The following CC2D2B variants were observed in gnomAD, a reference collection of about 807,000 sequenced individuals.
The protein encoded by CC2D2B is coiled-coil and C2 domain containing 2B.
CC2D2B carries 128 observed loss-of-function variants against 161.2 expected under a neutral mutation model. The observed-to-expected ratio is 0.79, with a 90% CI of 0.69 to 0.92. The LOEUF (loss-of-function observed/expected upper bound fraction) is 0.92. Among genes scored for constraint, CC2D2B ranks in the 40% least tolerant of loss-of-function variants. The pLI is 0.00. For missense variants in CC2D2B, 1,173 were observed against 1,375.1 expected, an observed-to-expected ratio of 0.85 and a Z score of 2.32; for synonymous variants, 391 against 449.8, an observed-to-expected ratio of 0.87 and a Z score of 1.65.
At chr10:95,947,510 G>A (rs113514451) in intron 9 of CC2D2B, among the ~76,000 whole-genome samples, 21,190 of 151,786 alleles carry the variant, frequency 0.14, 1,560 homozygotes, top group Middle Eastern at 0.2. Flanking sequence ...TTGGGAGGCC[G>A]AGGTGGGCAG....
At chr10:95,990,069 G>A (rs2077889518) in intron 20 of CC2D2B, among the ~76,000 whole-genome samples, 1 of 152,150 alleles carries the variant, frequency 6.6e-6, no homozygotes, top group Non-Finnish European at 1.5e-5. Context: ...TTCTCTAAGA[G>A]GGTAGCACAT....
intron 33 of CC2D2B, among the ~76,000 whole-genome samples, chr10:96,025,172 TATATATATATATA>T (rs1275135698): frequency 1.7e-4 from 3 of 17,622 alleles, no homozygotes; most frequent in African/African-American, 6.2e-4. Context: ...TATATATATA[TATATATATATATA>T]AAAAAAAATA....
At chr10:95,992,841 C>A in intron 22 of CC2D2B, 144 bp downstream of exon 22, 2 of 519,132 alleles carry the variant, frequency 3.9e-6, no homozygotes, top group Non-Finnish European at 5.9e-6. Context: ...TCTTCATTTG[C>A]ATAGTCATAC....
intron 2 of CC2D2B, among the ~76,000 whole-genome samples, chr10:95,914,337 G>T (rs1204079783): frequency 1.3e-5 from 2 of 152,150 alleles, no homozygotes; most frequent in Non-Finnish European, 2.9e-5. Context: ...GCGCGTGTGT[G>T]TGTGTATTTT....
intron 18 of CC2D2B, among the ~76,000 whole-genome samples, chr10:95,982,843 G>A (rs997603058): frequency 1.3e-5 from 2 of 151,982 alleles, no homozygotes; most frequent in African/African-American, 4.8e-5. Context: ...GCGATCTCGG[G>A]TCACCACAAC....
At chr10:95,934,254 C>T (rs2075726670) in intron 6 of CC2D2B, among the ~76,000 whole-genome samples, 1 of 152,082 alleles carries the variant, frequency 6.6e-6, no homozygotes, top group Non-Finnish European at 1.5e-5. Context: ...CGTCCCAGGT[C>T]GACTTCAGAC....
chr10:96,027,274 A>C lies in CC2D2B; in HGVS notation c.4010A>C (p.Asn1337Thr). 3 of 1,551,186 alleles carry C rather than the reference A, an allele frequency of 1.9e-6. No individual in the cohort carries two copies. Among genetic ancestry groups the C allele is most frequent in the Non-Finnish European group, 2.6e-6 (3 of 1,146,728 alleles). ...CGACCTAAACACCCAACACATTGGA[A>C]TCGACAGTGTACTTTTATTTTGCGA... ...EWRPKHPTHW[N>T]RQCTFILRQI... The change falls in exon 34 of 35, where the codon AAT (asparagine) becomes ACT (threonine). Residue 1337 changes from asparagine (N) to threonine (T), a missense_variant. Around this residue, in one of 3 missense-constraint regions of CC2D2B, gnomAD observed 598 missense variants for 693.2 expected, o/e 0.86. Coordinates refer to ENST00000646931, the MANE Select transcript of CC2D2B (RefSeq NM_001349008.3).
At chr10:95,910,075 G>A (rs1044674316) in intron 1 of CC2D2B, among the ~76,000 whole-genome samples, 1 of 152,162 alleles carries the variant, frequency 6.6e-6, no homozygotes, top group Non-Finnish European at 1.5e-5. Flanking sequence ...TGGATCACTT[G>A]AGCCCAGGAG....
At chr10:96,022,997 A>G (rs1287234987) in intron 32 of CC2D2B, among the ~76,000 whole-genome samples, 1 of 152,208 alleles carries the variant, frequency 6.6e-6, no homozygotes, top group African/African-American at 2.4e-5. Context: ...GCGAATGGGA[A>G]GACCTTTAGT....
intron 6 of CC2D2B, among the ~76,000 whole-genome samples, chr10:95,934,803 G>A (rs2075757522): frequency 6.6e-6 from 1 of 152,192 alleles, no homozygotes; most frequent in Non-Finnish European, 1.5e-5. Flanking sequence ...TAGTCTTGCT[G>A]GGAGCTGCAG....
chr10:96,030,739 A>G (rs2080032165), intron 34 of CC2D2B, among the ~76,000 whole-genome samples: 1 of 152,182 alleles, frequency 6.6e-6, no homozygotes, highest in Non-Finnish European at 1.5e-5. Flanking sequence ...GAAGTAAGGT[A>G]GGTTTTGCTT....
At chr10:95,999,960 C>G in intron 24 of CC2D2B, 1 of 628,350 alleles carries the variant, frequency 1.6e-6, no homozygotes, top group East Asian at 4.1e-5. Context: ...GCTCTTAGAG[C>G]ACTTATGTGC....
intron 25 of CC2D2B, among the ~76,000 whole-genome samples, chr10:96,006,174 G>A (rs2078740954): frequency 6.7e-6 from 1 of 150,166 alleles, no homozygotes; most frequent in Non-Finnish European, 1.5e-5. Context: ...TACAGTTTTT[G>A]TACTTACTTT....
chr10:95,910,781 C>T (rs1357010783), intron 1 of CC2D2B, among the ~76,000 whole-genome samples: 1 of 152,138 alleles, frequency 6.6e-6, no homozygotes, highest in Non-Finnish European at 1.5e-5. Context: ...TTAATCAGAT[C>T]CTTTTTTTTC....
rs2078345442 is a variant in CC2D2B, at chr10:95,998,938, AGCTGTGCTGGTGG to A, written c.2849+2687_2849+2699del. ...TGAGACCAGCCTGGCCAAGATGGTG[AGCTGTGCTGGTGG>A]ATGCCTGTAATCCCAGCTACTTGGG... On this transcript the variant is annotated intron_variant, in intron 24 of 34. Transcript: ENST00000646931. 7.9e-5 allele frequency among the ~76,000 whole-genome samples: 12 copies of A among 152,178 alleles called. No individual in the cohort carries two copies. The East Asian group carries it at 2.3e-3, about 29-fold the overall frequency.
At chr10:96,030,983 A>T (rs1178381673) in intron 34 of CC2D2B, among the ~76,000 whole-genome samples, 1 of 152,164 alleles carries the variant, frequency 6.6e-6, no homozygotes, top group East Asian at 1.9e-4. Flanking sequence ...GAAAACAGGA[A>T]TTTTTTTAAA....
At chr10:96,001,005 T>C (rs928915150) in intron 24 of CC2D2B, among the ~76,000 whole-genome samples, 1 of 152,208 alleles carries the variant, frequency 6.6e-6, no homozygotes. Context: ...TTAAAATAGT[T>C]AATAAATCAG....
chr10:95,981,661 T>C (rs2141591736), intron 17 of CC2D2B, among the ~76,000 whole-genome samples: 1 of 152,302 alleles, frequency 6.6e-6, no homozygotes. Flanking sequence ...ATAAGCACCA[T>C]TCATTTAAGC....
In CC2D2B at chr10:95,933,473, T is replaced by G. The variant is rs1201342801; in HGVS notation, c.337-4518T>G. Among the ~76,000 whole-genome samples the G allele has an allele frequency of 2.0e-5, 3 of 152,218 alleles. No individual in the cohort carries two copies. In the East Asian group the frequency reaches 5.8e-4, roughly 29 times the overall value. ...GGAGGAAAAGAGGCGTTCTGGTTTT[T>G]GAAATTTTCAGCCTTTTTCTGCTGT... On this transcript the variant is annotated intron_variant, in intron 6 of 34. Coordinates refer to ENST00000646931, the MANE Select transcript of CC2D2B (RefSeq NM_001349008.3).
Sources: allele counts gnomAD v4.1 joint callset (sites outside exome capture counted in the v4.1 genomes callset), GRCh38; gene constraint gnomAD v4.1.1; regional missense constraint gnomAD v4.1.1; transcripts MANE v1.5; gene names NCBI Gene and HGNC (gene_info 2026-07-23, HGNC 2026-07-21).